Variants in SULT2B1 observed in about 807,000 individuals in gnomAD.
SULT2B1 encodes sulfotransferase 2B1.
SULT2B1 carries 16 observed loss-of-function variants against 33.2 expected under a neutral mutation model. The observed-to-expected ratio is 0.48, with a 90% CI of 0.33 to 0.73. SULT2B1 has a LOEUF of 0.73. SULT2B1 is among the 30% of genes least tolerant of loss of function. SULT2B1 has a pLI of 0.02. For synonymous variants in SULT2B1, 186 were observed against 200.5 expected (o/e 0.93, Z 0.61); for missense variants, 500 against 506.0 (o/e 0.99, Z 0.11).
intron 1 of SULT2B1, among the ~76,000 whole-genome samples, chr19:48,570,152 T>G (rs1973300427): frequency 6.6e-6 from 1 of 150,496 alleles, no homozygotes; most frequent in Non-Finnish European, 1.5e-5. Context: ...GAGCCTTCCC[T>G]GTGGCTGTGG....
At chr19:48,581,608 C>A (rs1274615885) in intron 2 of SULT2B1, among the ~76,000 whole-genome samples, 1 of 151,210 alleles carries the variant, frequency 6.6e-6, no homozygotes, top group Non-Finnish European at 1.5e-5. Context: ...CAGGCGCCCA[C>A]CACCACGCCC....
chr19:48,597,042 A>C (rs1973727080), intron 6 of SULT2B1, 123 bp downstream of exon 6: 1 of 1,134,738 alleles, frequency 8.8e-7, no homozygotes, highest in Non-Finnish European at 1.2e-6. Flanking sequence ...GAACAGGGTC[A>C]CTGTGGCCCC....
At chr19:48,593,393 A>T (rs1052240123) in intron 5 of SULT2B1, among the ~76,000 whole-genome samples, 4 of 151,778 alleles carry the variant, frequency 2.6e-5, no homozygotes, top group Non-Finnish European at 4.4e-5. Context: ...CTCTACTAAA[A>T]ATACAAAAAT....
At chr19:48,582,053 C>T (rs992362570) in intron 2 of SULT2B1, among the ~76,000 whole-genome samples, 37 of 151,678 alleles carry the variant, frequency 2.4e-4, no homozygotes, top group Non-Finnish European at 4.1e-4. Context: ...TACAGGTGCC[C>T]GCCACCATGC....
intron 1 of SULT2B1, among the ~76,000 whole-genome samples, chr19:48,565,461 C>A (rs1257312297): frequency 6.6e-6 from 1 of 151,736 alleles, no homozygotes; most frequent in Non-Finnish European, 1.5e-5. Context: ...CTCACTGCAA[C>A]CTCCACCTCC....
intron 5 of SULT2B1, among the ~76,000 whole-genome samples, chr19:48,594,323 C>T (rs550939155): frequency 8.5e-4 from 130 of 152,274 alleles, no homozygotes; most frequent in Non-Finnish European, 1.4e-3. Context: ...TTGTTATTAT[C>T]CCTATTTTAT....
intron 2 of SULT2B1, among the ~76,000 whole-genome samples, chr19:48,586,323 G>A (rs1381181016): frequency 6.6e-6 from 1 of 152,196 alleles, no homozygotes; most frequent in Non-Finnish European, 1.5e-5. Flanking sequence ...ATAAACTGTA[G>A]TTGGTGCAGG....
intron 2 of SULT2B1, among the ~76,000 whole-genome samples, chr19:48,576,645 T>C (rs1973416341): frequency 4.7e-5 from 1 of 21,278 alleles, no homozygotes; most frequent in South Asian, 1.9e-3. Flanking sequence ...GTATACTTTT[T>C]TTTTTTTTTT....
chr19:48,556,963 T>G (rs1363427317), intron 1 of SULT2B1, among the ~76,000 whole-genome samples: 1 of 145,698 alleles, frequency 6.9e-6, no homozygotes, highest in Non-Finnish European at 1.5e-5. Context: ...AAAAAAAAAG[T>G]TGTCCTAGGC....
intron 2 of SULT2B1, among the ~76,000 whole-genome samples, chr19:48,585,975 G>A (rs577853643): frequency 7.9e-5 from 12 of 152,262 alleles, no homozygotes; most frequent in African/African-American, 2.9e-4. Flanking sequence ...CCAGCACCTT[G>A]GGAGGCTGAG....
Position 48,599,341 on chromosome 19 carries a change from C to CCCAACT in SULT2B1, c.1037_1042dup (p.Asn346_Ser347dup). The CCCAACT allele has an allele frequency of 6.3e-7, 1 of 1,591,930 alleles. No individual in the cohort carries two copies. The highest frequency in any genetic ancestry group is 8.6e-7 in the Non-Finnish European group (1 of 1,169,028). On this transcript the variant is annotated inframe_insertion, in exon 7 of 7. Coordinates refer to ENST00000201586, the MANE Select transcript of SULT2B1 (RefSeq NM_177973.2). This position sits in a 1 kb window ranked among gnomAD's most constrained non-coding sequence, Gnocchi z 4.1. ...CACCAGCCTGGAGCGTGAGCCCAGACCCAACTCCAGCCCCAGCCCCAGCCC... is the reference window on the plus strand; with the variant it reads ...CACCAGCCTGGAGCGTGAGCCCAGACCCAACTCCAACTCCAGCCCCAGCCCCAGCCC...
In SULT2B1 at chr19:48,599,091, G is replaced by T; in HGVS notation, c.827-44G>T. ...GGAATGTTGGAGGTAGGGGCGCAGTGCTCCCCAGAGGCTCCTCACCCCCTG... is the reference window on the plus strand; with the variant it reads ...GGAATGTTGGAGGTAGGGGCGCAGTTCTCCCCAGAGGCTCCTCACCCCCTG... On this transcript the variant is annotated intron_variant, in intron 6 of 6. Coordinates refer to ENST00000201586, the MANE Select transcript of SULT2B1 (RefSeq NM_177973.2). This position sits in a 1 kb window ranked among gnomAD's most constrained non-coding sequence, Gnocchi z 4.1. 2 of 1,540,448 alleles carry T rather than the reference G, an allele frequency of 1.3e-6. No individual in the cohort carries two copies.
intron 1 of SULT2B1, among the ~76,000 whole-genome samples, chr19:48,555,010 T>C (rs963583660): frequency 7.2e-5 from 11 of 152,140 alleles, no homozygotes; most frequent in Non-Finnish European, 5.9e-5. Context: ...TCAGCCCAGA[T>C]GGGAGGTGAA....
Position 48,587,439 on chromosome 19 carries a change from T to C in SULT2B1, c.423+2T>C. 6.2e-7 allele frequency: 1 copy of C among 1,613,898 alleles called. No homozygotes were observed. The stretch of plus-strand genomic sequence containing the variant: ...GCCTTCTTCAGCTCCAAGGCCAAGG[T>C]TGGGAGGAGGGGTGTGTGTCAGTTG... On this transcript the variant is annotated splice_donor_variant, in intron 3 of 6. Coordinates refer to ENST00000201586, the MANE Select transcript of SULT2B1 (RefSeq NM_177973.2). LOFTEE classifies it high-confidence loss of function.
At chr19:48,555,462 C>G (rs1973085627) in intron 1 of SULT2B1, among the ~76,000 whole-genome samples, 1 of 151,956 alleles carries the variant, frequency 6.6e-6, no homozygotes. Context: ...TTATCTGGCT[C>G]CTTCCATAGG....
intron 1 of SULT2B1, among the ~76,000 whole-genome samples, chr19:48,555,873 G>A (rs991448605): frequency 6.6e-6 from 1 of 152,134 alleles, no homozygotes; most frequent in Non-Finnish European, 1.5e-5. Flanking sequence ...CTGAGTAGCT[G>A]GGATTACAGG....
At chr19:48,595,398 A>G (rs967760155) in intron 5 of SULT2B1, among the ~76,000 whole-genome samples, 7 of 152,072 alleles carry the variant, frequency 4.6e-5, no homozygotes, top group Non-Finnish European at 7.4e-5. Context: ...CTGTTTACCA[A>G]TTGAGATAAT....
At chr19:48,584,272 G>A (rs139838318) in intron 2 of SULT2B1, among the ~76,000 whole-genome samples, 4 of 152,314 alleles carry the variant, frequency 2.6e-5, no homozygotes, top group African/African-American at 9.6e-5. Flanking sequence ...CAGAGGTATG[G>A]TCATGACCCA....
At chr19:48,553,567 C>T (rs1427725901) in intron 1 of SULT2B1, among the ~76,000 whole-genome samples, 1 of 152,208 alleles carries the variant, frequency 6.6e-6, no homozygotes, top group African/African-American at 2.4e-5. Flanking sequence ...CCTGCCTCGG[C>T]CTCCCAAAGT....
Sources: gnomAD v4.1 joint callset for allele counts (sites outside exome capture counted in the v4.1 genomes callset) on GRCh38, gnomAD v4.1.1 for gene constraint, Gnocchi (gnomAD v3.1) non-coding constraint, MANE v1.5 for transcripts, NCBI Gene and HGNC (gene_info 2026-07-23, HGNC 2026-07-21) for gene names.